The following KIF26B variants were observed in gnomAD, a reference collection of about 807,000 sequenced individuals.
The protein encoded by KIF26B is kinesin family member 26B, also known as kinesin-like protein KIF26B.
A neutral mutation model predicts 151.2 loss-of-function variants in KIF26B; 63 were observed. That is an observed-to-expected ratio of 0.42 (90% CI 0.34 to 0.51). The LOEUF (loss-of-function observed/expected upper bound fraction) is 0.51, where lower values mean the gene tolerates loss of function less well. Among genes scored for constraint, KIF26B ranks in the 20% least tolerant of loss-of-function variants. The probability of loss-of-function intolerance (pLI) is 0.07; values close to 1 mark genes in which losing one functional copy is unlikely to be tolerated. For missense variants in KIF26B, 2,813 were observed against 2,913.6 expected, an observed-to-expected ratio of 0.97 and a Z score of 0.79; for synonymous variants, 1,357 against 1,262.1, an observed-to-expected ratio of 1.08 and a Z score of -1.59.
intron 5 of KIF26B, among the ~76,000 whole-genome samples, chr1:245,600,536 C>T (rs970615325): frequency 4.0e-5 from 6 of 151,598 alleles, no homozygotes; most frequent in African/African-American, 1.5e-4. Context: ...GATGGGCTCT[C>T]ACCATGTTGC....
In KIF26B at chr1:245,572,852, T is replaced by C. The variant is rs530687201; in HGVS notation, c.1351-29725T>C. ...GCTCAGATGTGTCTTTGCGGGGAAA[T>C]GGTCAGGCGTCCTCTGTTGGCAAGG... On this transcript the variant is annotated intron_variant, in intron 5 of 14. Transcript: ENST00000407071. This position sits in a 1 kb window ranked among gnomAD's most constrained non-coding sequence, Gnocchi z 4.2. Among the ~76,000 whole-genome samples the C allele has an allele frequency of 6.6e-6, 1 of 152,078 alleles. No homozygotes were observed. Among genetic ancestry groups the C allele is most frequent in the Non-Finnish European group, 1.5e-5 (1 of 68,020 alleles).
At chr1:245,573,766 G>A (rs1337758827) in intron 5 of KIF26B, among the ~76,000 whole-genome samples, 1 of 152,094 alleles carries the variant, frequency 6.6e-6, no homozygotes, top group Non-Finnish European at 1.5e-5. Flanking sequence ...GAATGCCTGA[G>A]ACCTCAGAAA....
rs186317195 is a variant in KIF26B, at chr1:245,420,600, G to A, written c.1166+855G>A. ...CAAGCTCCTGAGTAAACAGGACATA[G>A]AATAAATGCGATAGCATCAGATACG... On this transcript the variant is annotated intron_variant, in intron 4 of 14. Coordinates refer to ENST00000407071, the MANE Select transcript of KIF26B (RefSeq NM_018012.4). Among the ~76,000 whole-genome samples the A allele has an allele frequency of 2.5e-3, 375 of 152,342 alleles. 3 individuals are homozygous for A. The highest frequency in any genetic ancestry group is 2.6e-3 in the Non-Finnish European group (179 of 68,028).
intron 5 of KIF26B, among the ~76,000 whole-genome samples, chr1:245,592,295 C>T (rs2043296760): frequency 6.6e-6 from 1 of 152,216 alleles, no homozygotes; most frequent in African/African-American, 2.4e-5. Context: ...CACTGCCCGC[C>T]CCAGTCTCCT....
intron 2 of KIF26B, among the ~76,000 whole-genome samples, chr1:245,243,085 G>A (rs1410651099): frequency 6.6e-6 from 1 of 152,180 alleles, no homozygotes; most frequent in Non-Finnish European, 1.5e-5. Flanking sequence ...ATTCAGAGGA[G>A]AGAGGAGGTA....
chr1:245,156,671 C>CG lies in KIF26B; in HGVS notation c.453_454insG (p.Phe152ValfsTer34). The CG allele has an allele frequency of 6.7e-7, 1 of 1,499,162 alleles. No individual in the cohort carries two copies. The highest frequency in any genetic ancestry group is 8.8e-7 in the Non-Finnish European group (1 of 1,131,472). 92.9% of individuals were successfully genotyped at this position (1,499,162 alleles called of 1,614,324 possible). A position where few individuals can be genotyped will look rare whatever the true frequency, so the allele number is the denominator to read the frequency against. On this transcript the variant is annotated frameshift_variant, in exon 2 of 15. Transcript: ENST00000407071. LOFTEE classifies it high-confidence loss of function. Reference sequence around the variant, plus strand: ...CCCTGAGGTTGCTCCTCCCGGGGCCCTTCCCGGGCAAGGTGAGCGCCGCGC... The same window carrying CG: ...CCCTGAGGTTGCTCCTCCCGGGGCCCGTTCCCGGGCAAGGTGAGCGCCGCGC...
At chr1:245,400,583 T>C (rs1306362175) in intron 3 of KIF26B, among the ~76,000 whole-genome samples, 1 of 151,314 alleles carries the variant, frequency 6.6e-6, no homozygotes, top group East Asian at 2.0e-4. Flanking sequence ...ATGGGGCTAC[T>C]GAGCATTGAG....
In KIF26B at chr1:245,702,430, T is replaced by C. The variant is rs780466874; in HGVS notation, c.6179-28T>C. ...TGCTTCTCACCCTGTTTGCTCTGCGTCTCCATCAGGCTCTTCCTCTCTTGC... is the reference window on the plus strand; with the variant it reads ...TGCTTCTCACCCTGTTTGCTCTGCGCCTCCATCAGGCTCTTCCTCTCTTGC... On this transcript the variant is annotated intron_variant, in intron 14 of 14. Transcript: ENST00000407071. The surrounding 1 kb of genome is among the most constrained non-coding windows in gnomAD (Gnocchi z 4.1). 6 of 1,612,794 alleles carry C rather than the reference T, an allele frequency of 3.7e-6. No individual in the cohort carries two copies. Among genetic ancestry groups the C allele is most frequent in the Non-Finnish European group, 5.1e-6 (6 of 1,179,074 alleles).
intron 3 of KIF26B, among the ~76,000 whole-genome samples, chr1:245,410,738 C>T (rs968371670): frequency 2.0e-5 from 3 of 152,304 alleles, no homozygotes; most frequent in East Asian, 3.9e-4. Context: ...ACCTGGCCTT[C>T]TTTCTTTTTT....
At chr1:245,288,245 T>C (rs1168985576) in intron 2 of KIF26B, among the ~76,000 whole-genome samples, 2 of 152,146 alleles carry the variant, frequency 1.3e-5, no homozygotes, top group African/African-American at 4.8e-5. Flanking sequence ...AAACATGATT[T>C]CACACACAGC....
chr1:245,430,286 T>C (rs1328485418), intron 4 of KIF26B, among the ~76,000 whole-genome samples: 2 of 151,770 alleles, frequency 1.3e-5, no homozygotes, highest in Non-Finnish European at 2.9e-5. Flanking sequence ...TAAATTTGTT[T>C]CCTGGTCTAC....
intron 2 of KIF26B, among the ~76,000 whole-genome samples, chr1:245,184,047 G>GTTTTTTTTTTT (rs1469137088): frequency 6.5e-3 from 60 of 9,226 alleles, no homozygotes; most frequent in East Asian, 0.015. Flanking sequence ...GGTGGGAGTT[G>GTTTTTTTTTTT]TTGTTTTTTT....
chr1:245,264,010 C>T (rs1255488789), intron 2 of KIF26B, among the ~76,000 whole-genome samples: 1 of 152,126 alleles, frequency 6.6e-6, no homozygotes, highest in Non-Finnish European at 1.5e-5. Flanking sequence ...GTTATTATGC[C>T]ACTGATTAAA....
At chr1:245,477,572 C>T (rs1251181673) in intron 4 of KIF26B, among the ~76,000 whole-genome samples, 1 of 151,798 alleles carries the variant, frequency 6.6e-6, no homozygotes, top group Non-Finnish European at 1.5e-5. Context: ...AGCCAGGGTC[C>T]ATAACATGGT....
intron 1 of KIF26B, 60 bp downstream of exon 1, chr1:245,155,547 C>T: frequency 2.8e-6 from 4 of 1,433,270 alleles, no homozygotes; most frequent in Non-Finnish European, 3.9e-6. Flanking sequence ...CGGAGGTCCC[C>T]CTTTCCCCGG....
chr1:245,447,469 T>C (rs2103050970), intron 4 of KIF26B, among the ~76,000 whole-genome samples: 1 of 152,294 alleles, frequency 6.6e-6, no homozygotes, highest in South Asian at 2.1e-4. Flanking sequence ...TATTAAAAGA[T>C]GGAGCCTTTA....
In KIF26B at chr1:245,189,385, G is replaced by A. The variant is rs149587125; in HGVS notation, c.465+32702G>A. Among the ~76,000 whole-genome samples the A allele has an allele frequency of 7.5e-3, 1,143 of 152,202 alleles. 11 individuals are homozygous for A. The highest frequency in any genetic ancestry group is 0.016 in the South Asian group (75 of 4,802). On this transcript the variant is annotated intron_variant, in intron 2 of 14. Coordinates refer to ENST00000407071, the MANE Select transcript of KIF26B (RefSeq NM_018012.4). ...AAACAAAAGATAATGATGTTTCCTA[G>A]GCCAAACACACCTTGTTAACATTTC...
intron 2 of KIF26B, among the ~76,000 whole-genome samples, chr1:245,334,216 A>G (rs1672178204): frequency 6.6e-6 from 1 of 152,178 alleles, no homozygotes; most frequent in South Asian, 2.1e-4. Flanking sequence ...CTTGCATTCT[A>G]CATGCAGCTT....
rs563841372 is a variant in KIF26B, at chr1:245,483,052, T to C, written c.1167-57715T>C. Among the ~76,000 whole-genome samples the C allele has an allele frequency of 3.3e-5, 5 of 151,682 alleles. No homozygotes were observed. The East Asian group carries it at 7.7e-4, about 23-fold the overall frequency. On this transcript the variant is annotated intron_variant, in intron 4 of 14. Coordinates refer to ENST00000407071, the MANE Select transcript of KIF26B (RefSeq NM_018012.4). ...CCAGGACTCACACTCCTGGGCATCA[T>C]TTATTTTGGAAGTTGGGGAAGCAGG... is the stretch of plus-strand genomic sequence containing the variant.
Sources: allele counts gnomAD v4.1 joint callset (sites outside exome capture counted in the v4.1 genomes callset), GRCh38; gene constraint gnomAD v4.1.1; non-coding constraint Gnocchi (gnomAD v3.1); transcripts MANE v1.5; gene names NCBI Gene and HGNC (gene_info 2026-07-23, HGNC 2026-07-21).